The following KDM5B variants were observed in gnomAD, a reference collection of about 807,000 sequenced individuals.
KDM5B encodes the protein lysine-specific demethylase 5B.
KDM5B carries 144 observed loss-of-function variants against 193.4 expected under a neutral mutation model. The observed-to-expected ratio is 0.74, with a 90% CI of 0.65 to 0.86. KDM5B has a LOEUF of 0.86. KDM5B is among the 40% of genes least tolerant of loss of function. The pLI is 0.00. For synonymous variants in KDM5B, 668 were observed against 682.6 expected (o/e 0.98, Z 0.33); for missense variants, 1,833 against 1,886.9 (o/e 0.97, Z 0.53).
intron 16 of KDM5B, among the ~76,000 whole-genome samples, chr1:202,743,357 AAAAAAAAC>A (rs1259327269): frequency 5.4e-5 from 8 of 146,962 alleles, no homozygotes; most frequent in South Asian, 4.3e-4. Flanking sequence ...AAAAAAAAAA[AAAAAAAAC>A]ACCTGGCATG....
intron 1 of KDM5B, among the ~76,000 whole-genome samples, chr1:202,792,333 G>A (rs1657674239): frequency 1.3e-5 from 2 of 151,048 alleles, no homozygotes; most frequent in African/African-American, 4.9e-5. Context: ...ACCTAGCAGA[G>A]CTTCCGGAGG....
In KDM5B at chr1:202,736,018, T is replaced by C. The variant is rs114816730; in HGVS notation, c.3264+195A>G. Among the ~76,000 whole-genome samples, 1,091 of 152,362 alleles carry C rather than the reference T, an allele frequency of 7.2e-3. 9 individuals are homozygous for C. Among genetic ancestry groups the C allele is most frequent in the African/African-American group, 0.025 (1,041 of 41,588 alleles). ...GGAAAAAATTTTCTTCTTTAGATAC[T>C]GTTATGCTAAATCAACCAAGAAAAC... On this transcript the variant is annotated intron_variant, in intron 21 of 26. Coordinates refer to ENST00000367265, the MANE Select transcript of KDM5B (RefSeq NM_006618.5).
At chr1:202,804,802 G>C (rs894030052) in intron 1 of KDM5B, among the ~76,000 whole-genome samples, 14 of 150,758 alleles carry the variant, frequency 9.3e-5, no homozygotes, top group African/African-American at 2.9e-4. Context: ...CTGAGGTCGG[G>C]AGGCAGAGGT....
rs9803787 is a variant in KDM5B, at chr1:202,751,097, T to C, written c.1702-319A>G. ...TAATATATTATTATTACCCCTCAAG[T>C]AGCATCTTCTACCACCAATTAAAGC... On this transcript the variant is annotated intron_variant, in intron 12 of 26. Transcript: ENST00000367265. Among the ~76,000 whole-genome samples the C allele has an allele frequency of 7.2e-3, 1,098 of 152,190 alleles. 9 individuals are homozygous for C. The highest frequency in any genetic ancestry group is 0.025 in the African/African-American group (1,048 of 41,502).
At chr1:202,788,586 A>ATC (rs1657510558) in intron 1 of KDM5B, among the ~76,000 whole-genome samples, 1 of 152,118 alleles carries the variant, frequency 6.6e-6, no homozygotes, top group African/African-American at 2.4e-5. Flanking sequence ...TGGTATTGGT[A>ATC]TTGGTATTGG....
chr1:202,750,219 G>C (rs1031119042), intron 13 of KDM5B, among the ~76,000 whole-genome samples: 13 of 152,140 alleles, frequency 8.5e-5, no homozygotes, highest in African/African-American at 3.1e-4. Flanking sequence ...ATTGTGGACT[G>C]GTAAACAATT....
rs1287571482 is a variant in KDM5B, at chr1:202,741,574, C to T, written c.2738G>A (p.Arg913His). Residue 913 changes from arginine (R) to histidine (H), a missense_variant, in exon 19 of 27, where the codon CGT (arginine) becomes CAT (histidine). Around this residue, in one of 3 missense-constraint regions of KDM5B, gnomAD observed 1,379 missense variants for 1,349.6 expected, o/e 1.02. Transcript: ENST00000367265. ...ELPQLAEMRI[R>H]LEQARWLEEV... Reference sequence around the variant, plus strand: ...TTCTAGCCAACGGGCTTGTTCCAAACGGATACGCATCTCAGCAAGCTGTGG... The same window carrying T: ...TTCTAGCCAACGGGCTTGTTCCAAATGGATACGCATCTCAGCAAGCTGTGG... 9.3e-6 allele frequency: 15 copies of T among 1,614,104 alleles called. No homozygotes were observed. The highest frequency in any genetic ancestry group is 5.0e-5 in the Admixed American group (3 of 60,010).
chr1:202,756,356 A>G lies in KDM5B; in HGVS notation c.1356+2T>C. 6.2e-7 allele frequency: 1 copy of G among 1,602,414 alleles called. No homozygotes were observed. Among genetic ancestry groups the G allele is most frequent in the Non-Finnish European group, 8.5e-7 (1 of 1,175,100 alleles). On this transcript the variant is annotated splice_donor_variant, in intron 10 of 26. Transcript: ENST00000367265. LOFTEE classifies it high-confidence loss of function. The stretch of plus-strand genomic sequence containing the variant: ...CAATTTCCAAGCCACTTATATGCCT[A>G]CCTCTTCCTCAGGTGAGAGTTTGAT...
Position 202,772,567 on chromosome 1 carries a change from C to A in KDM5B, c.576+551G>T, listed in dbSNP as rs115942617. 9.7e-3 allele frequency among the ~76,000 whole-genome samples: 1,480 copies of A among 152,272 alleles called. 13 individuals are homozygous for A. The highest frequency in any genetic ancestry group is 0.014 in the Non-Finnish European group (923 of 68,010). On this transcript the variant is annotated intron_variant, in intron 4 of 26. Coordinates refer to ENST00000367265, the MANE Select transcript of KDM5B (RefSeq NM_006618.5). Reference sequence around the variant, plus strand: ...AAAGTTGTAACAAGTAGATAATAATCAACTCCTCAGCTTTGGACAGTAAAA... The same window carrying A: ...AAAGTTGTAACAAGTAGATAATAATAAACTCCTCAGCTTTGGACAGTAAAA...
Position 202,729,944 on chromosome 1 carries a change from G to T in KDM5B, c.4260C>A (p.Ser1420=). The T allele has an allele frequency of 6.2e-7, 1 of 1,614,044 alleles. No individual in the cohort carries two copies. Among genetic ancestry groups the T allele is most frequent in the Non-Finnish European group, 8.5e-7 (1 of 1,179,988 alleles). The change falls in exon 26 of 27, where the codon TCC becomes TCA. Residue 1420 remains serine (S), a synonymous_variant. Coordinates refer to ENST00000367265, the MANE Select transcript of KDM5B (RefSeq NM_006618.5). ...TCTTAACTCGTTCCCACCGCTCACTGGAGAGGCCCTCTCTTTCCAGGCGTC... is the reference window on the plus strand; with the variant it reads ...TCTTAACTCGTTCCCACCGCTCACTTGAGAGGCCCTCTCTTTCCAGGCGTC... ...LKRRLEREGL[S]SERWERVKKM... is the part of the protein sequence containing the mutation.
chr1:202,781,139 C>CA (rs1162885545), intron 1 of KDM5B, among the ~76,000 whole-genome samples: 1 of 152,004 alleles, frequency 6.6e-6, no homozygotes, highest in Non-Finnish European at 1.5e-5. Context: ...CCGTCTCTAC[C>CA]AAAAAATGTA....
intron 12 of KDM5B, among the ~76,000 whole-genome samples, 156 bp from the exon 13 acceptor site, chr1:202,750,934 G>A (rs2102252119): frequency 6.6e-6 from 1 of 152,230 alleles, no homozygotes; most frequent in Non-Finnish European, 1.5e-5. Flanking sequence ...ATATCACCTA[G>A]AGATACTAAT....
At chr1:202,734,752 A>G (rs1488636327) in intron 22 of KDM5B, among the ~76,000 whole-genome samples, 1 of 152,208 alleles carries the variant, frequency 6.6e-6, no homozygotes, top group African/African-American at 2.4e-5. Context: ...TAAATAAATC[A>G]AGGCAACCCA....
At chr1:202,799,300 T>C (rs1657978834) in intron 1 of KDM5B, among the ~76,000 whole-genome samples, 1 of 152,144 alleles carries the variant, frequency 6.6e-6, no homozygotes, top group Non-Finnish European at 1.5e-5. Flanking sequence ...CACCTATTTT[T>C]TAAAATCTAG....
intron 1 of KDM5B, among the ~76,000 whole-genome samples, chr1:202,791,953 G>A (rs761376309): frequency 5.3e-5 from 8 of 151,924 alleles, no homozygotes; most frequent in Non-Finnish European, 8.8e-5. Context: ...TACTGACCTC[G>A]TCTCAGCCTC....
chr1:202,778,288 AAT>A (rs200300790), intron 1 of KDM5B, among the ~76,000 whole-genome samples: 4 of 151,986 alleles, frequency 2.6e-5, no homozygotes, highest in African/African-American at 2.4e-5. Flanking sequence ...CAGACAATTA[AAT>A]ATATATATAT....
At position 202,740,472 on chromosome 1, in the gene KDM5B, C is replaced by G. The variant is rs557186519; in HGVS notation, c.3084+202G>C. Among the ~76,000 whole-genome samples, 11 of 137,748 alleles carry G rather than the reference C, an allele frequency of 8.0e-5. No individual in the cohort carries two copies. The South Asian group carries it at 2.6e-3, about 33-fold the overall frequency. 90.4% of individuals were successfully genotyped at this position (137,748 alleles called of 152,430 possible). On this transcript the variant is annotated intron_variant, in intron 20 of 26. Coordinates refer to ENST00000367265, the MANE Select transcript of KDM5B (RefSeq NM_006618.5). ...GGGCGGGGGGCTGACCCCCTCACCTCCCTCCCGGACGGGGCGGCTGGCCGG... is the reference window on the plus strand; with the variant it reads ...GGGCGGGGGGCTGACCCCCTCACCTGCCTCCCGGACGGGGCGGCTGGCCGG...
chr1:202,737,186 C>T (rs952203143), intron 20 of KDM5B, among the ~76,000 whole-genome samples: 1 of 152,190 alleles, frequency 6.6e-6, no homozygotes, highest in African/African-American at 2.4e-5. Context: ...ATTAAAGCAA[C>T]TCAATATAAA....
intron 14 of KDM5B, among the ~76,000 whole-genome samples, chr1:202,747,519 G>A (rs945255557): frequency 2.7e-5 from 4 of 150,616 alleles, no homozygotes; most frequent in Admixed American, 6.6e-5. Context: ...ATGTAAATGG[G>A]CTGCAGAGAG....
Sources: allele counts gnomAD v4.1 joint callset (sites outside exome capture counted in the v4.1 genomes callset), GRCh38; gene constraint gnomAD v4.1.1; regional missense constraint gnomAD v4.1.1; transcripts MANE v1.5; gene names NCBI Gene and HGNC (gene_info 2026-07-23, HGNC 2026-07-21).